NOS2: variants seen among roughly 807,000 people sequenced by gnomAD.
NOS2 encodes nitric oxide synthase, inducible.
Under a neutral mutation model 136.0 loss-of-function variants are expected in NOS2, and 96 were observed. That is an observed-to-expected ratio of 0.71 (90% CI 0.60 to 0.84). The LOEUF (loss-of-function observed/expected upper bound fraction) is 0.84. NOS2 is among the 40% of genes least tolerant of loss of function. The pLI is 0.00. For synonymous variants in NOS2, 539 were observed against 587.5 expected, an observed-to-expected ratio of 0.92 and a Z score of 1.20; for missense variants, 1,237 against 1,496.9, an observed-to-expected ratio of 0.83 and a Z score of 2.87.
rs557644416 is a variant in NOS2, at chr17:27,758,791, T to C, written c.3354+90A>G. ...GGGTCCAGAACCTTTCTGGGCCTGA[T>C]TCCCCTGGGTCTACCTGCCACCCCT... On this transcript the variant is annotated intron_variant, in intron 26 of 26. Coordinates refer to ENST00000313735, the MANE Select transcript of NOS2 (RefSeq NM_000625.4). 36 of 1,052,112 alleles carry C rather than the reference T, an allele frequency of 3.4e-5. No homozygotes were observed. In the East Asian group the frequency reaches 8.5e-4, roughly 25 times the overall value. The allele number at this position is 1,052,112 out of a possible 1,614,324, so 65.2% of individuals were successfully genotyped here. A position where few individuals can be genotyped will look rare whatever the true frequency, so the allele number is the denominator to read the frequency against.
intron 26 of NOS2, among the ~76,000 whole-genome samples, chr17:27,758,141 A>G (rs926550434): frequency 2.0e-5 from 3 of 152,162 alleles, no homozygotes; most frequent in Non-Finnish European, 4.4e-5. Flanking sequence ...TGCCTGATTC[A>G]TTTACTGCTC....
At chr17:27,794,498 T>C (rs1486566203) in intron 2 of NOS2, among the ~76,000 whole-genome samples, 3 of 152,182 alleles carry the variant, frequency 2.0e-5, no homozygotes, top group Admixed American at 2.0e-4. Context: ...GCCCTGGACC[T>C]CAACATGCAG....
rs576009627 is a variant in NOS2 at position 27,794,126 on chromosome 17, T to C, written c.111-4438A>G. On this transcript the variant is annotated intron_variant, in intron 2 of 26. Transcript: ENST00000313735. ...GCTCTACGTTGTCATCTCCACTTTA[T>C]TGAGGCATTAGCTGGGGCCAGAGAG... is the stretch of plus-strand genomic sequence containing the variant. Among the ~76,000 whole-genome samples, 24 of 152,328 alleles carry C rather than the reference T, an allele frequency of 1.6e-4. No homozygotes were observed. The South Asian group carries it at 3.3e-3, about 21-fold the overall frequency.
At chr17:27,762,240 G>A (rs551014946) in intron 22 of NOS2, among the ~76,000 whole-genome samples, 6 of 152,276 alleles carry the variant, frequency 3.9e-5, no homozygotes. Flanking sequence ...CTCCACTGCC[G>A]CCTCTAGATG....
rs28942377 is a variant in NOS2 at position 27,782,414 on chromosome 17, C to T, written c.631-308G>A. Reference sequence around the variant, plus strand: ...AACCTGACTTGAAAGCACCATGAATCGGGATTGCCACAGCCCCAGGCTAGG... The same window carrying T: ...AACCTGACTTGAAAGCACCATGAATTGGGATTGCCACAGCCCCAGGCTAGG... On this transcript the variant is annotated intron_variant, in intron 6 of 26. Transcript: ENST00000313735. 1.2e-3 allele frequency among the ~76,000 whole-genome samples: 181 copies of T among 152,302 alleles called. 1 individual carries two copies. The highest frequency in any genetic ancestry group is 3.7e-3 in the African/African-American group (154 of 41,554).
At chr17:27,769,689 A>T in intron 15 of NOS2, 105 bp from the exon 16 acceptor site, 1 of 969,864 alleles carries the variant, frequency 1.0e-6, no homozygotes, top group Non-Finnish European at 1.7e-6. Flanking sequence ...GAAGGCTCAC[A>T]GCCCACCACG....
In NOS2 at chr17:27,770,963, A is replaced by G. The variant is rs1213320896; in HGVS notation, c.1759T>C (p.Leu587=). The G allele has an allele frequency of 6.2e-7, 1 of 1,614,006 alleles. No individual in the cohort carries two copies. The highest frequency in any genetic ancestry group is 8.5e-7 in the Non-Finnish European group (1 of 1,180,022). ...LSCLEEERLL[L]VVTSTFGNGD... is the part of the protein sequence containing the mutation. ...TTGCCAAACGTACTGGTCACCACCA[A>G]CAGCAGCCGTTCCTCCTCCAGGCAG... The change falls in exon 15 of 27, where the codon TTG becomes CTG. Residue 587 remains leucine, a synonymous_variant. Coordinates refer to ENST00000313735, the MANE Select transcript of NOS2 (RefSeq NM_000625.4).
intron 12 of NOS2, 57 bp from the exon 13 acceptor site, chr17:27,773,300 G>T (rs189970184): frequency 3.3e-6 from 4 of 1,219,850 alleles, no homozygotes; most frequent in Non-Finnish European, 4.8e-6. Flanking sequence ...GGCTCAGCTC[G>T]CGGATGCTGG....
In NOS2 at chr17:27,762,969, G is replaced by C; in HGVS notation, c.2629C>G (p.Pro877Ala). The C allele has an allele frequency of 6.2e-7, 1 of 1,605,348 alleles. No homozygotes were observed. The highest frequency in any genetic ancestry group is 8.5e-7 in the Non-Finnish European group (1 of 1,176,494). Residue 877 changes from proline (P) to alanine (A), a missense_variant, in exon 22 of 27, where the codon CCC becomes GCC. Transcript: ENST00000313735. ...EYSKWKFTNSPTFLEVLEEFP... is the reference protein window; with the variant it reads ...EYSKWKFTNSATFLEVLEEFP... ...TCCTCTAGCACCTCCAGGAATGTGG[G>C]GCTGTTGGTGAACTTCCACTTGCTG...
intron 14 of NOS2, among the ~76,000 whole-genome samples, chr17:27,771,915 G>A (rs555880138): frequency 2.2e-4 from 34 of 152,332 alleles, no homozygotes; most frequent in Non-Finnish European, 4.3e-4. Context: ...TGAAGGCAGG[G>A]GATAGAGCTT....
chr17:27,761,037 G>A, intron 23 of NOS2, 107 bp downstream of exon 23: 1 of 1,091,836 alleles, frequency 9.2e-7, no homozygotes, highest in Non-Finnish European at 1.3e-6. Context: ...CCTTCTTTAT[G>A]GGCCAAGGGG....
chr17:27,781,175 G>C lies in NOS2; in HGVS notation c.725C>G (p.Ser242Trp). 1 of 1,605,354 alleles carries C rather than the reference G, an allele frequency of 6.2e-7. No individual in the cohort carries two copies. The highest frequency in any genetic ancestry group is 8.5e-7 in the Non-Finnish European group (1 of 1,179,480). The change falls in exon 8 of 27, where the codon TCG becomes TGG. Residue 242 changes from serine (S) to tryptophan (W), a missense_variant and splice_region_variant. By Grantham distance (177) the Ser-to-Trp change is radical. This residue lies in a region of NOS2 where 440 missense variants were observed against 545.4 expected (regional missense o/e 0.81). Coordinates refer to ENST00000313735, the MANE Select transcript of NOS2 (RefSeq NM_000625.4). ...RYSTNNGNIR[S>W]AITVFPQRSD... ...CCGCTGGGGGAACACGGTGATGGCC[G>C]ACCTTCCCAGGACAGGAACAGTACT...
intron 20 of NOS2, among the ~76,000 whole-genome samples, chr17:27,765,239 C>T (rs576859948): frequency 4.6e-5 from 7 of 152,226 alleles, no homozygotes; most frequent in African/African-American, 1.7e-4. Flanking sequence ...CCACCCACCA[C>T]GGCCTCCCAA....
At chr17:27,798,616 G>T in intron 2 of NOS2, 84 bp downstream of exon 2, 1 of 817,980 alleles carries the variant, frequency 1.2e-6, no homozygotes, top group Non-Finnish European at 2.2e-6. Context: ...AGGAGGAGCA[G>T]AGAGAGGAAT....
intron 5 of NOS2, among the ~76,000 whole-genome samples, chr17:27,787,284 C>T (rs1909049008): frequency 6.6e-6 from 1 of 152,188 alleles, no homozygotes; most frequent in Non-Finnish European, 1.5e-5. Flanking sequence ...TCTCTGGATG[C>T]CAGGACACTG....
At chr17:27,768,005 G>T (rs1277881503) in intron 17 of NOS2, among the ~76,000 whole-genome samples, 168 bp from the exon 18 acceptor site, 2 of 152,210 alleles carry the variant, frequency 1.3e-5, no homozygotes, top group Admixed American at 1.3e-4. Flanking sequence ...ACTCAAAGAG[G>T]TGTCTGGGCT....
intron 11 of NOS2, among the ~76,000 whole-genome samples, chr17:27,776,170 C>A (rs978140933): frequency 6.6e-6 from 1 of 152,188 alleles, no homozygotes; most frequent in Non-Finnish European, 1.5e-5. Context: ...TTGAGTGGGG[C>A]ACTGCATGAG....
At position 27,760,749 on chromosome 17, in the gene NOS2, A is replaced by C. The variant is rs1222188790; in HGVS notation, c.2889-5T>G. ...GGGAGGTGGAAGCCGCTGGCACTGA[A>C]GAGGACAGGAGAAGAGGGGGCCAGT... is the stretch of plus-strand genomic sequence containing the variant. On this transcript the variant is annotated splice_polypyrimidine_tract_variant and splice_region_variant and intron_variant, in intron 23 of 26. Transcript: ENST00000313735. 1 of 1,548,904 alleles carries C rather than the reference A, an allele frequency of 6.5e-7. No individual in the cohort carries two copies. Among genetic ancestry groups the C allele is most frequent in the East Asian group, 2.4e-5 (1 of 40,928 alleles).
At chr17:27,762,691 T>C (rs1908169062) in intron 22 of NOS2, 107 bp downstream of exon 22, 1 of 800,828 alleles carries the variant, frequency 1.2e-6, no homozygotes. Flanking sequence ...GGGCTGTGGG[T>C]GTTCCCTCCC....
Sources: gnomAD v4.1 joint callset for allele counts (sites outside exome capture counted in the v4.1 genomes callset) on GRCh38, gnomAD v4.1.1 for gene constraint, gnomAD v4.1.1 regional missense constraint, MANE v1.5 for transcripts, NCBI Gene and HGNC (gene_info 2026-07-23, HGNC 2026-07-21) for gene names.